GRID2: variants seen among roughly 807,000 people sequenced by gnomAD.
GRID2 encodes the protein glutamate ionotropic receptor delta type subunit 2.
GRID2 carries 33 observed loss-of-function variants against 114.8 expected under a neutral mutation model. The observed-to-expected ratio is 0.29, with a 90% CI of 0.22 to 0.38. GRID2 has a LOEUF of 0.38. Among genes scored for constraint, GRID2 ranks in the 10% least tolerant of loss-of-function variants. The probability of loss-of-function intolerance (pLI) is 1.00; values close to 1 mark genes in which losing one functional copy is unlikely to be tolerated. For synonymous variants in GRID2, 505 were observed against 449.9 expected, an observed-to-expected ratio of 1.12 and a Z score of -1.55; for missense variants, 1,184 against 1,257.7, an observed-to-expected ratio of 0.94 and a Z score of 0.89.
intron 1 of GRID2, among the ~76,000 whole-genome samples, chr4:92,542,222 A>T (rs550611378): frequency 6.6e-6 from 1 of 152,250 alleles, no homozygotes; most frequent in South Asian, 2.1e-4. Flanking sequence ...TGAAGATGGG[A>T]GGATCACTTG....
At chr4:92,993,423 A>G (rs1169680233) in intron 2 of GRID2, among the ~76,000 whole-genome samples, 3 of 152,220 alleles carry the variant, frequency 2.0e-5, no homozygotes, top group Middle Eastern at 3.4e-3. Flanking sequence ...TTCTTACCCA[A>G]TGTGAACTTA....
chr4:92,551,274 G>GTT (rs1218068693), intron 1 of GRID2, among the ~76,000 whole-genome samples: 2 of 150,934 alleles, frequency 1.3e-5, no homozygotes. Flanking sequence ...GTGTGTGTGT[G>GTT]TGTGTGTGTG....
In GRID2 at chr4:93,581,011, A is replaced by G. The variant is rs1383639542; in HGVS notation, c.2194-45258A>G. 3.9e-5 allele frequency among the ~76,000 whole-genome samples: 6 copies of G among 152,022 alleles called. No homozygotes were observed. In the South Asian group the frequency reaches 1.2e-3, roughly 31 times the overall value. ...TGCAGAACATGCGGGTTTGTTATAT[A>G]GGTATACACGTGCCATGGTGGTTTG... On this transcript the variant is annotated intron_variant, in intron 13 of 15. Transcript: ENST00000282020.
At chr4:93,670,584 T>G (rs1022971993) in intron 14 of GRID2, among the ~76,000 whole-genome samples, 21 of 152,170 alleles carry the variant, frequency 1.4e-4, no homozygotes, top group African/African-American at 4.6e-4. Context: ...ATGGAATAAA[T>G]GGGCTACACT....
intron 5 of GRID2, among the ~76,000 whole-genome samples, chr4:93,215,853 G>A (rs1291091958): frequency 6.6e-6 from 1 of 151,706 alleles, no homozygotes; most frequent in Non-Finnish European, 1.5e-5. Context: ...AACTTATTTT[G>A]TTTCCCATCT....
At position 92,368,216 on chromosome 4, in the gene GRID2, T is replaced by C. The variant is rs1728962622; in HGVS notation, c.88+63472T>C. The stretch of plus-strand genomic sequence containing the variant: ...AATGAAGAGATAAGCTGTAATAGTC[T>C]CTTTTAAGAGGCTAACCAGCAGTCT... On this transcript the variant is annotated intron_variant, in intron 1 of 15. Transcript: ENST00000282020. Among the ~76,000 whole-genome samples, 5 of 152,116 alleles carry C rather than the reference T, an allele frequency of 3.3e-5. No homozygotes were observed. In the South Asian group the frequency reaches 1.0e-3, roughly 32 times the overall value.
At chr4:92,961,567 TC>T (rs200080160) in intron 2 of GRID2, among the ~76,000 whole-genome samples, 10 of 151,690 alleles carry the variant, frequency 6.6e-5, no homozygotes, top group East Asian at 3.9e-4. Context: ...GTGCTTTTTT[TC>T]TTTCTCTCTA....
intron 9 of GRID2, among the ~76,000 whole-genome samples, chr4:93,413,376 A>C (rs937077570): frequency 1.3e-4 from 20 of 151,982 alleles, no homozygotes; most frequent in Admixed American, 1.0e-3. Context: ...TCATATGTTT[A>C]TTGGTCACAT....
intron 12 of GRID2, among the ~76,000 whole-genome samples, chr4:93,496,066 A>G (rs1342330907): frequency 6.6e-6 from 1 of 151,582 alleles, no homozygotes; most frequent in African/African-American, 2.4e-5. Context: ...TGAGCCATCA[A>G]CAAAGAAGTT....
At chr4:92,640,748 T>C (rs1731302096) in intron 2 of GRID2, among the ~76,000 whole-genome samples, 1 of 151,884 alleles carries the variant, frequency 6.6e-6, no homozygotes, top group African/African-American at 2.4e-5. Flanking sequence ...CCGTAATATA[T>C]ATAAAATGAG....
chr4:92,716,622 T>G (rs1207305534), intron 2 of GRID2, among the ~76,000 whole-genome samples: 3 of 152,180 alleles, frequency 2.0e-5, no homozygotes, highest in Non-Finnish European at 4.4e-5. Context: ...TTCAGCTGTC[T>G]GTGTTTTATG....
chr4:93,669,662 A>G (rs2149750260), intron 14 of GRID2, among the ~76,000 whole-genome samples: 1 of 152,112 alleles, frequency 6.6e-6, no homozygotes. Context: ...CACGCAACAC[A>G]CTCCAAACAC....
intron 13 of GRID2, among the ~76,000 whole-genome samples, chr4:93,618,374 C>T (rs1741904526): frequency 6.6e-6 from 1 of 152,188 alleles, no homozygotes; most frequent in South Asian, 2.1e-4. Context: ...TTTTCTTCGT[C>T]AGCTCATGAG....
intron 2 of GRID2, among the ~76,000 whole-genome samples, chr4:92,721,120 C>T (rs369838332): frequency 1.2e-4 from 18 of 151,798 alleles, no homozygotes; most frequent in African/African-American, 4.1e-4. Context: ...TATAGAGACA[C>T]GAGGTAAAAT....
intron 13 of GRID2, among the ~76,000 whole-genome samples, chr4:93,553,691 T>A (rs1734007626): frequency 6.6e-6 from 1 of 152,314 alleles, no homozygotes; most frequent in East Asian, 1.9e-4. Context: ...AATCCACAAG[T>A]TTATTAAGGA....
intron 2 of GRID2, among the ~76,000 whole-genome samples, chr4:92,749,397 C>T (rs1252651373): frequency 6.7e-6 from 1 of 148,620 alleles, no homozygotes; most frequent in African/African-American, 2.5e-5. Flanking sequence ...TCACTGCAAC[C>T]TCCGCCTCCC....
intron 8 of GRID2, among the ~76,000 whole-genome samples, chr4:93,360,525 C>G (rs1478299846): frequency 1.3e-5 from 2 of 151,710 alleles, no homozygotes; most frequent in Admixed American, 1.3e-4. Flanking sequence ...TGGTGAAAAT[C>G]CTTATTTAAA....
intron 2 of GRID2, among the ~76,000 whole-genome samples, chr4:92,671,175 C>T (rs1733048233): frequency 6.6e-6 from 1 of 151,980 alleles, no homozygotes; most frequent in African/African-American, 2.4e-5. Flanking sequence ...GGGAAGCAAA[C>T]ATGTCTTACC....
chr4:93,536,500 G>T (rs1001195165), intron 13 of GRID2, among the ~76,000 whole-genome samples: 1 of 151,850 alleles, frequency 6.6e-6, no homozygotes, highest in South Asian at 2.1e-4. Context: ...ATATCCACAC[G>T]CAAGAGAATG....
Sources: gnomAD v4.1 joint callset for allele counts (sites outside exome capture counted in the v4.1 genomes callset) on GRCh38, gnomAD v4.1.1 for gene constraint, MANE v1.5 for transcripts, NCBI Gene and HGNC (gene_info 2026-07-23, HGNC 2026-07-21) for gene names.